Variants in TMEM209 observed in about 807,000 individuals in gnomAD.
TMEM209 encodes the protein testicular tissue protein Li 202.
Under a neutral mutation model 76.2 loss-of-function variants are expected in TMEM209, and 65 were observed. The ratio of observed to expected loss-of-function variants is 0.85; its 90% confidence interval spans 0.70 to 1.05. The LOEUF is 1.05. TMEM209 is among the 50% of genes least tolerant of loss of function. The probability of loss-of-function intolerance (pLI) is 0.00; values close to 1 mark genes in which losing one functional copy is unlikely to be tolerated. For missense variants in TMEM209, 623 were observed against 685.5 expected, an observed-to-expected ratio of 0.91 and a Z score of 1.02; for synonymous variants, 239 against 237.6, an observed-to-expected ratio of 1.01 and a Z score of -0.06.
rs755846383 is a variant in TMEM209 at position 130,185,185 on chromosome 7, C to A, written c.951+7G>T. The A allele has an allele frequency of 1.6e-5, 25 of 1,604,412 alleles. No homozygotes were observed. The South Asian group carries it at 2.2e-4, about 14-fold the overall frequency. On this transcript the variant is annotated splice_region_variant and intron_variant, in intron 7 of 14. Transcript: ENST00000397622. ...TAAATATTAAGTCACTTTTATTTTC[C>A]ACTTACCTCTTCTGCGGCTTGTTTA... is the stretch of plus-strand genomic sequence containing the variant.
In TMEM209 at chr7:130,202,585, G is replaced by C. The variant is rs745527671; in HGVS notation, c.278C>G (p.Thr93Arg). The change falls in exon 4 of 15, where the codon ACA (threonine) becomes AGA (arginine). Residue 93 changes from threonine to arginine, a missense_variant. By Grantham distance (71) the Thr-to-Arg change is moderately conservative (BLOSUM62 -1). Coordinates refer to ENST00000397622, the MANE Select transcript of TMEM209 (RefSeq NM_032842.4). ...WRYFKYTVAPTSLVVSPGQQT... is the reference protein window; with the variant it reads ...WRYFKYTVAPRSLVVSPGQQT... ...CTGTCCAGGACTAACAACCAGACTTGTTGGTGCCACAGTATATTTGAAATA... is the reference window on the plus strand; with the variant it reads ...CTGTCCAGGACTAACAACCAGACTTCTTGGTGCCACAGTATATTTGAAATA... The C allele has an allele frequency of 8.7e-6, 14 of 1,613,642 alleles. No homozygotes were observed. Among genetic ancestry groups the C allele is most frequent in the African/African-American group, 1.3e-5 (1 of 74,916 alleles).
chr7:130,204,991 A>T, intron 1 of TMEM209: 3 of 1,154,118 alleles, frequency 2.6e-6, no homozygotes, highest in Non-Finnish European at 3.2e-6. Flanking sequence ...TGAGCGGAGT[A>T]AGAGGGAGAG....
At chr7:130,203,882 A>G (rs1472850793) in intron 2 of TMEM209, 36 bp from the exon 3 acceptor site, 1 of 1,588,930 alleles carries the variant, frequency 6.3e-7, no homozygotes, top group African/African-American at 1.4e-5. Flanking sequence ...CAGTGAACCT[A>G]AAAACACCAA....
At chr7:130,179,769 A>G (rs1326516886) in intron 9 of TMEM209, among the ~76,000 whole-genome samples, 1 of 152,172 alleles carries the variant, frequency 6.6e-6, no homozygotes, top group African/African-American at 2.4e-5. Flanking sequence ...TGAGCTCAGG[A>G]GTACAAGACC....
At chr7:130,166,549 A>T (rs1183633056) in intron 14 of TMEM209, 44 bp from the exon 15 acceptor site, 1 of 1,328,652 alleles carries the variant, frequency 7.5e-7, no homozygotes, top group African/African-American at 1.5e-5. Context: ...GTTGCCAAGC[A>T]TTTAAGGTCT....
chr7:130,189,868 A>T (rs1361614161), intron 6 of TMEM209, among the ~76,000 whole-genome samples: 1 of 152,182 alleles, frequency 6.6e-6, no homozygotes, highest in African/African-American at 2.4e-5. Context: ...CCCAGTGCCC[A>T]GATAATAATT....
At position 130,188,392 on chromosome 7, in the gene TMEM209, C is replaced by T. The variant is rs374843812; in HGVS notation, c.776-3025G>A. On this transcript the variant is annotated intron_variant, in intron 6 of 14. Coordinates refer to ENST00000397622, the MANE Select transcript of TMEM209 (RefSeq NM_032842.4). ...CGGGCGGATCACAAGGTCAGGAGAT[C>T]GAGACCATCCTGGCTAACATGGTGA... Among the ~76,000 whole-genome samples the T allele has an allele frequency of 3.0e-4, 45 of 152,060 alleles. 1 individual carries two copies. Among genetic ancestry groups the T allele is most frequent in the South Asian group, 2.3e-3 (11 of 4,818 alleles).
chr7:130,203,778 A>G lies in TMEM209; in HGVS notation c.199+10T>C. 6.3e-7 allele frequency: 1 copy of G among 1,593,268 alleles called. No individual in the cohort carries two copies. Among genetic ancestry groups the G allele is most frequent in the Admixed American group, 1.7e-5 (1 of 57,148 alleles). On this transcript the variant is annotated intron_variant, in intron 3 of 14. Coordinates refer to ENST00000397622, the MANE Select transcript of TMEM209 (RefSeq NM_032842.4). ...GTAAATGTAAGTTACAGTGAAAATT[A>G]CTTACTTACCAATATACCAGAGGGG...
intron 11 of TMEM209, 123 bp downstream of exon 11, chr7:130,175,389 G>A: frequency 1.2e-6 from 1 of 854,202 alleles, no homozygotes; most frequent in South Asian, 1.8e-5. Flanking sequence ...TGAGCCCTGG[G>A]AGATCAAAGC....
intron 11 of TMEM209, among the ~76,000 whole-genome samples, chr7:130,174,688 C>T (rs1451262928): frequency 6.6e-6 from 1 of 152,058 alleles, no homozygotes; most frequent in Non-Finnish European, 1.5e-5. Flanking sequence ...CTTTGATCTC[C>T]TAAATGTAAT....
chr7:130,185,069 G>T, intron 7 of TMEM209, 123 bp downstream of exon 7: 2 of 1,164,486 alleles, frequency 1.7e-6, no homozygotes, highest in Non-Finnish European at 2.4e-6. Flanking sequence ...ACTGCCTAAT[G>T]TGTGCCAGAT....
intron 3 of TMEM209, 46 bp downstream of exon 3, chr7:130,203,742 G>C (rs1181208163): frequency 2.6e-6 from 4 of 1,509,578 alleles, no homozygotes; most frequent in Non-Finnish European, 3.6e-6. Flanking sequence ...CCTGAAGGCA[G>C]TTTTTTATTG....
At chr7:130,181,458 C>A (rs1797409314) in intron 9 of TMEM209, among the ~76,000 whole-genome samples, 165 bp downstream of exon 9, 1 of 152,142 alleles carries the variant, frequency 6.6e-6, no homozygotes, top group Non-Finnish European at 1.5e-5. Context: ...AGCTAAATTA[C>A]ATCTTGATAA....
intron 9 of TMEM209, among the ~76,000 whole-genome samples, chr7:130,179,181 C>T (rs1026532502): frequency 6.6e-6 from 1 of 152,094 alleles, no homozygotes; most frequent in Admixed American, 6.5e-5. Flanking sequence ...ACTGCTGTAT[C>T]CCCCAGTGCC....
intron 6 of TMEM209, among the ~76,000 whole-genome samples, chr7:130,188,379 A>G (rs893023683): frequency 2.6e-4 from 40 of 152,156 alleles, no homozygotes; most frequent in South Asian, 1.0e-3. Flanking sequence ...GGCGGATCAC[A>G]AGGTCAGGAG....
intron 5 of TMEM209, among the ~76,000 whole-genome samples, chr7:130,197,966 G>A (rs1798047775): frequency 6.6e-6 from 1 of 152,168 alleles, no homozygotes; most frequent in South Asian, 2.1e-4. Flanking sequence ...ATTCACTCAT[G>A]TAAAGTGCAC....
In TMEM209 at chr7:130,204,070, C is replaced by T; in HGVS notation, c.44G>A (p.Arg15Lys). 6.2e-7 allele frequency: 1 copy of T among 1,612,822 alleles called. No individual in the cohort carries two copies. The highest frequency in any genetic ancestry group is 1.1e-5 in the South Asian group (1 of 90,886). Residue 15 changes from arginine to lysine, a missense_variant, in exon 2 of 15, where the codon AGA (arginine) becomes AAA (lysine). Coordinates refer to ENST00000397622, the MANE Select transcript of TMEM209 (RefSeq NM_032842.4). ...TGTTTCTTTTCTCATCTTGATGGTT[C>T]TGTCAATAAGGGAAGCACTAGGGTG... ...EAHPSASLID[R>K]TIKMRKETEA...
intron 13 of TMEM209, among the ~76,000 whole-genome samples, chr7:130,171,506 T>C (rs569441108): frequency 6.6e-6 from 1 of 152,014 alleles, no homozygotes; most frequent in East Asian, 1.9e-4. Context: ...AAAAAACAGA[T>C]GGTGGTTAAA....
chr7:130,186,180 G>A (rs1376467767), intron 6 of TMEM209, among the ~76,000 whole-genome samples: 1 of 152,064 alleles, frequency 6.6e-6, no homozygotes, highest in Admixed American at 6.6e-5. Flanking sequence ...ATATCAATTG[G>A]TACTTTATAC....
Sources: allele counts gnomAD v4.1 joint callset (sites outside exome capture counted in the v4.1 genomes callset), GRCh38; gene constraint gnomAD v4.1.1; transcripts MANE v1.5; gene names NCBI Gene and HGNC (gene_info 2026-07-23, HGNC 2026-07-21).